MIPOL1: variants seen among roughly 807,000 people sequenced by gnomAD.
The protein encoded by MIPOL1 is mirror-image polydactyly 1.
In MIPOL1, 57 loss-of-function variants were observed where a neutral mutation model predicts 60.9. The ratio of observed to expected loss-of-function variants is 0.94; its 90% confidence interval spans 0.76 to 1.17. The LOEUF (loss-of-function observed/expected upper bound fraction) is 1.17, where lower values mean the gene tolerates loss of function less well. MIPOL1 is among the 50% of genes most tolerant of loss of function. The pLI is 0.00. For synonymous variants in MIPOL1, 179 were observed against 168.8 expected (o/e 1.06, Z -0.47); for missense variants, 551 against 511.6 (o/e 1.08, Z -0.74).
intron 11 of MIPOL1, among the ~76,000 whole-genome samples, chr14:37,463,382 A>G (rs1300280446): frequency 6.6e-6 from 1 of 152,188 alleles, no homozygotes; most frequent in East Asian, 1.9e-4. Flanking sequence ...ACAGAGCCAA[A>G]TTATATCAGT....
At chr14:37,442,672 A>T (rs1335385474) in intron 11 of MIPOL1, among the ~76,000 whole-genome samples, 1 of 151,488 alleles carries the variant, frequency 6.6e-6, no homozygotes, top group East Asian at 1.9e-4. Flanking sequence ...ATAAATAAAT[A>T]AAAAATTTAA....
chr14:37,302,870 C>T (rs1229064379), intron 7 of MIPOL1, among the ~76,000 whole-genome samples: 1 of 151,478 alleles, frequency 6.6e-6, no homozygotes, highest in East Asian at 1.9e-4. Context: ...CCAACTTTGC[C>T]CTTTTATTAC....
At chr14:37,532,677 T>G (rs1417760890) in intron 12 of MIPOL1, among the ~76,000 whole-genome samples, 1 of 152,146 alleles carries the variant, frequency 6.6e-6, no homozygotes, top group Non-Finnish European at 1.5e-5. Context: ...TTATTTTTCC[T>G]TAGATTAGTT....
intron 12 of MIPOL1, among the ~76,000 whole-genome samples, chr14:37,544,844 C>T (rs12884884): frequency 0.5 from 76,335 of 151,954 alleles, 19,911 homozygotes; most frequent in East Asian, 0.69. Context: ...TTAACTATTT[C>T]CTCCTAATCT....
intron 10 of MIPOL1, among the ~76,000 whole-genome samples, chr14:37,403,635 T>G (rs2093533134): frequency 6.6e-6 from 1 of 152,050 alleles, no homozygotes; most frequent in Non-Finnish European, 1.5e-5. Context: ...CTATGTAGTA[T>G]TGCTTTAGAA....
chr14:37,293,043 G>T (rs534766838), intron 7 of MIPOL1, among the ~76,000 whole-genome samples: 1 of 152,144 alleles, frequency 6.6e-6, no homozygotes, highest in East Asian at 1.9e-4. Flanking sequence ...TTGCTTTTGG[G>T]CTTTTATTTG....
intron 12 of MIPOL1, among the ~76,000 whole-genome samples, chr14:37,536,431 C>T (rs1230751095): frequency 2.0e-5 from 3 of 152,170 alleles, no homozygotes; most frequent in Non-Finnish European, 2.9e-5. Flanking sequence ...CAGATATTCC[C>T]GTATTTGAGT....
At chr14:37,268,911 CT>C in intron 5 of MIPOL1, 118 bp downstream of exon 5, 2 of 855,434 alleles carry the variant, frequency 2.3e-6, no homozygotes, top group Non-Finnish European at 3.4e-6. Flanking sequence ...TTAACAGTAG[CT>C]TTATGTTTTT....
chr14:37,412,376 A>G (rs2093694043), intron 10 of MIPOL1, among the ~76,000 whole-genome samples: 1 of 152,134 alleles, frequency 6.6e-6, no homozygotes, highest in South Asian at 2.1e-4. Context: ...CATAAAAAAA[A>G]GGCTTTAAAA....
chr14:37,374,588 C>T (rs1033514077), intron 10 of MIPOL1, among the ~76,000 whole-genome samples: 1 of 152,090 alleles, frequency 6.6e-6, no homozygotes, highest in Admixed American at 6.5e-5. Flanking sequence ...GGTCCAGTTT[C>T]AGTTTTCTGC....
At chr14:37,231,191 G>T (rs112294518) in intron 1 of MIPOL1, among the ~76,000 whole-genome samples, 211 of 152,024 alleles carry the variant, frequency 1.4e-3, no homozygotes, top group African/African-American at 4.7e-3. Context: ...GGTTTCAAGC[G>T]ATCCTCCCAC....
chr14:37,319,813 T>C (rs528742061), intron 9 of MIPOL1, among the ~76,000 whole-genome samples: 1 of 152,242 alleles, frequency 6.6e-6, no homozygotes, highest in Non-Finnish European at 1.5e-5. Flanking sequence ...CCAGTCGGAA[T>C]TTCTCACCAA....
intron 9 of MIPOL1, among the ~76,000 whole-genome samples, chr14:37,340,546 C>CA (rs1267631989): frequency 6.6e-6 from 1 of 151,860 alleles, no homozygotes; most frequent in Non-Finnish European, 1.5e-5. Context: ...CCCTTCTCTA[C>CA]AAAAAATGCA....
intron 1 of MIPOL1, among the ~76,000 whole-genome samples, chr14:37,199,102 A>G (rs1189218162): frequency 1.3e-5 from 2 of 152,196 alleles, no homozygotes; most frequent in East Asian, 3.9e-4. Flanking sequence ...GAGTTTATAG[A>G]GATATTTTTA....
intron 3 of MIPOL1, among the ~76,000 whole-genome samples, chr14:37,259,720 G>C (rs564244656): frequency 6.6e-6 from 1 of 151,914 alleles, no homozygotes; most frequent in Non-Finnish European, 1.5e-5. Flanking sequence ...ATTTCTCAAA[G>C]CAATTTTTTA....
intron 11 of MIPOL1, among the ~76,000 whole-genome samples, chr14:37,440,057 A>C (rs973405050): frequency 6.6e-6 from 1 of 152,026 alleles, no homozygotes; most frequent in Non-Finnish European, 1.5e-5. Flanking sequence ...ATGTTATCCT[A>C]GCTGGTCTTG....
intron 11 of MIPOL1, among the ~76,000 whole-genome samples, chr14:37,483,509 G>A (rs998132403): frequency 1.2e-4 from 19 of 152,100 alleles, no homozygotes; most frequent in Non-Finnish European, 2.2e-4. Context: ...AGGGCCAACT[G>A]TATGTCCATA....
chr14:37,486,863 A>G (rs1368994362), intron 11 of MIPOL1, among the ~76,000 whole-genome samples: 1 of 151,954 alleles, frequency 6.6e-6, no homozygotes, highest in Non-Finnish European at 1.5e-5. Context: ...AATAACACCA[A>G]TAATATGTTG....
In MIPOL1 at chr14:37,292,666, C is replaced by A. The variant is rs957499660; in HGVS notation, c.623+7219C>A. ...CGGCTAATTTTTGTACTTTCAGTAG[C>A]GATGGGGTTTCGCCATGTTGACCAG... On this transcript the variant is annotated intron_variant, in intron 7 of 12. Coordinates refer to ENST00000684589, the MANE Select transcript of MIPOL1 (RefSeq NM_001388067.1). Among the ~76,000 whole-genome samples, 61 of 151,312 alleles carry A rather than the reference C, an allele frequency of 4.0e-4. 1 individual carries two copies. Among genetic ancestry groups the A allele is most frequent in the Non-Finnish European group, 1.0e-4 (7 of 67,830 alleles).
Sources: allele counts gnomAD v4.1 joint callset (sites outside exome capture counted in the v4.1 genomes callset), GRCh38; gene constraint gnomAD v4.1.1; transcripts MANE v1.5; gene names NCBI Gene and HGNC (gene_info 2026-07-23, HGNC 2026-07-21).